The following MDGA2 variants were observed in gnomAD, a reference collection of about 807,000 sequenced individuals.
MDGA2 encodes MAM domain containing glycosylphosphatidylinositol anchor 2.
MDGA2 carries 40 observed loss-of-function variants against 117.8 expected under a neutral mutation model. That is an observed-to-expected ratio of 0.34 (90% CI 0.26 to 0.44). The LOEUF (loss-of-function observed/expected upper bound fraction) is 0.44, where lower values mean the gene tolerates loss of function less well. Ranked by LOEUF, MDGA2 falls within the 20% of genes least tolerant of loss-of-function variation. The pLI is 1.00. For missense variants in MDGA2, 1,123 were observed against 1,250.6 expected (o/e 0.90, Z 1.54); for synonymous variants, 452 against 439.0 (o/e 1.03, Z -0.37).
At position 46,920,178 on chromosome 14, in the gene MDGA2, G is replaced by C; in HGVS notation, c.2090-18C>G. On this transcript the variant is annotated intron_variant, in intron 9 of 16. Coordinates refer to ENST00000399232, the MANE Select transcript of MDGA2 (RefSeq NM_001113498.3). ...GGCCTTTCCTGAAAACAGAAAGTGTGCTTAAATTTGAATGATGACATATTG... is the reference window on the plus strand; with the variant it reads ...GGCCTTTCCTGAAAACAGAAAGTGTCCTTAAATTTGAATGATGACATATTG... 1 of 1,602,480 alleles carries C rather than the reference G, an allele frequency of 6.2e-7. No homozygotes were observed. Among genetic ancestry groups the C allele is most frequent in the East Asian group, 2.2e-5 (1 of 44,538 alleles).
At chr14:47,135,865 TCTGAA>T (rs1412817186) in intron 4 of MDGA2, among the ~76,000 whole-genome samples, 5 of 152,128 alleles carry the variant, frequency 3.3e-5, no homozygotes, top group African/African-American at 1.2e-4. Flanking sequence ...TTTGTTCCTA[TCTGAA>T]CTGATGTGTC....
At chr14:46,968,184 A>G (rs567332990) in intron 8 of MDGA2, among the ~76,000 whole-genome samples, 2 of 152,226 alleles carry the variant, frequency 1.3e-5, no homozygotes, top group African/African-American at 4.8e-5. Flanking sequence ...CACCCTGAAG[A>G]CAAATCTCCC....
chr14:47,624,499 CTCTTT>C (rs1897106291), intron 1 of MDGA2, among the ~76,000 whole-genome samples: 1 of 152,146 alleles, frequency 6.6e-6, no homozygotes, highest in South Asian at 2.1e-4. Context: ...TAAATGATAA[CTCTTT>C]TCTATTTACC....
intron 1 of MDGA2, among the ~76,000 whole-genome samples, chr14:47,604,984 T>G (rs1308888478): frequency 6.6e-6 from 1 of 151,324 alleles, no homozygotes; most frequent in Non-Finnish European, 1.5e-5. Flanking sequence ...TCATGGTTTT[T>G]TTTTAAACCA....
At chr14:47,492,922 G>T (rs1290784377) in intron 1 of MDGA2, among the ~76,000 whole-genome samples, 1 of 151,834 alleles carries the variant, frequency 6.6e-6, no homozygotes, top group Non-Finnish European at 1.5e-5. Context: ...AAAACCAGAA[G>T]AATACTTACT....
intron 1 of MDGA2, among the ~76,000 whole-genome samples, chr14:47,375,201 G>GAAA (rs34274638): frequency 7.0e-6 from 1 of 143,574 alleles, no homozygotes. Context: ...TGCCTCTTAG[G>GAAA]AAAAAAAAAA....
At chr14:47,149,378 C>T (rs1010507624) in intron 3 of MDGA2, among the ~76,000 whole-genome samples, 4 of 152,170 alleles carry the variant, frequency 2.6e-5, no homozygotes, top group Admixed American at 6.5e-5. Flanking sequence ...ATTTTGAAAA[C>T]CTGTCATCCC....
chr14:47,073,608 T>A (rs1890373712), intron 6 of MDGA2, among the ~76,000 whole-genome samples: 1 of 152,152 alleles, frequency 6.6e-6, no homozygotes, highest in Admixed American at 6.5e-5. Context: ...AAACCAAAAA[T>A]TTGATAAAGA....
intron 1 of MDGA2, among the ~76,000 whole-genome samples, chr14:47,596,360 T>G (rs1322425799): frequency 6.6e-6 from 1 of 152,164 alleles, no homozygotes; most frequent in East Asian, 1.9e-4. Flanking sequence ...CAGATAAAGA[T>G]TTAGCTCTTC....
chr14:46,869,181 C>A (rs1206073646), intron 14 of MDGA2, among the ~76,000 whole-genome samples: 1 of 152,000 alleles, frequency 6.6e-6, no homozygotes, highest in Non-Finnish European at 1.5e-5. Context: ...TCTAGAGACA[C>A]AACTTTATTG....
chr14:47,302,311 T>C (rs1379894073), intron 1 of MDGA2, among the ~76,000 whole-genome samples: 3 of 152,204 alleles, frequency 2.0e-5, no homozygotes, highest in Non-Finnish European at 4.4e-5. Context: ...CTGTGAGTCA[T>C]GAGAGAAGTA....
intron 15 of MDGA2, among the ~76,000 whole-genome samples, chr14:46,853,926 A>G (rs759399004): frequency 7.2e-5 from 11 of 151,822 alleles, no homozygotes; most frequent in Non-Finnish European, 1.5e-4. Context: ...TCACAATTGT[A>G]TTGATCTTCA....
At chr14:47,176,205 C>T (rs1461884266) in intron 3 of MDGA2, among the ~76,000 whole-genome samples, 11 of 152,040 alleles carry the variant, frequency 7.2e-5, no homozygotes, top group Admixed American at 2.0e-4. Context: ...GAATCAGTAT[C>T]GTGAAAATGG....
At chr14:47,599,054 C>T (rs1896597439) in intron 1 of MDGA2, among the ~76,000 whole-genome samples, 1 of 151,754 alleles carries the variant, frequency 6.6e-6, no homozygotes, top group Admixed American at 6.6e-5. Context: ...GCTACAACCA[C>T]CATATGTCAT....
At chr14:47,313,837 C>G (rs997033631) in intron 1 of MDGA2, among the ~76,000 whole-genome samples, 1 of 151,858 alleles carries the variant, frequency 6.6e-6, no homozygotes, top group Non-Finnish European at 1.5e-5. Flanking sequence ...CAATGTTGAT[C>G]CAAATATGAA....
rs191711445 is a variant in MDGA2, at chr14:47,320,937, A to C, written c.281-19387T>G. ...TTGTACCCCAGATTAAACTGAACCA[A>C]AATCTTATAAGAGATTATGGGTAAA... On this transcript the variant is annotated intron_variant, in intron 1 of 16. Transcript: ENST00000399232. 2.5e-4 allele frequency among the ~76,000 whole-genome samples: 38 copies of C among 152,258 alleles called. No homozygotes were observed. The East Asian group carries it at 6.2e-3, about 25-fold the overall frequency.
chr14:47,465,256 C>T (rs1172433608), intron 1 of MDGA2, among the ~76,000 whole-genome samples: 1 of 152,044 alleles, frequency 6.6e-6, no homozygotes, highest in Non-Finnish European at 1.5e-5. Context: ...CAATACCATC[C>T]TAGAGATAGA....
At chr14:47,331,250 A>G (rs1190857685) in intron 1 of MDGA2, among the ~76,000 whole-genome samples, 1 of 151,962 alleles carries the variant, frequency 6.6e-6, no homozygotes, top group Non-Finnish European at 1.5e-5. Flanking sequence ...CTTTTATGAC[A>G]AAATACTTTT....
intron 8 of MDGA2, among the ~76,000 whole-genome samples, chr14:46,972,754 G>T (rs1886317911): frequency 6.6e-6 from 1 of 152,044 alleles, no homozygotes; most frequent in South Asian, 2.1e-4. Flanking sequence ...CATAATTATT[G>T]AAAGAAGTAA....
Sources: gnomAD v4.1 joint callset for allele counts (sites outside exome capture counted in the v4.1 genomes callset) on GRCh38, gnomAD v4.1.1 for gene constraint, MANE v1.5 for transcripts, NCBI Gene and HGNC (gene_info 2026-07-23, HGNC 2026-07-21) for gene names.